SLC13A4: variants seen among roughly 807,000 people sequenced by gnomAD.
The protein encoded by SLC13A4 is solute carrier family 13 member 4.
Under a neutral mutation model 72.7 loss-of-function variants are expected in SLC13A4, and 28 were observed. That is an observed-to-expected ratio of 0.39 (90% confidence interval 0.29 to 0.53). The LOEUF (loss-of-function observed/expected upper bound fraction) is 0.53. SLC13A4 is among the 20% of genes least tolerant of loss of function. The pLI is 0.78. For synonymous variants in SLC13A4, 312 were observed against 325.5 expected, an observed-to-expected ratio of 0.96 and a Z score of 0.45; for missense variants, 653 against 788.0, an observed-to-expected ratio of 0.83 and a Z score of 2.05.
At chr7:135,705,869 T>C in intron 4 of SLC13A4, 1 of 582,944 alleles carries the variant, frequency 1.7e-6, no homozygotes. Flanking sequence ...GAGCAGTGTG[T>C]ACCCTTGAGC....
chr7:135,686,300 T>A (rs1452574854), intron 13 of SLC13A4, among the ~76,000 whole-genome samples: 2 of 152,194 alleles, frequency 1.3e-5, no homozygotes, highest in Non-Finnish European at 2.9e-5. Context: ...CCATAGAGGC[T>A]GGTCATTCAG....
chr7:135,723,148 C>G (rs189930414), intron 1 of SLC13A4, among the ~76,000 whole-genome samples: 1 of 152,110 alleles, frequency 6.6e-6, no homozygotes, highest in African/African-American at 2.4e-5. Context: ...CTGCCCTAAC[C>G]AGGGTCTGGT....
rs770177600 is a variant in SLC13A4 at position 135,721,404 on chromosome 7, C to T, written c.219G>A (p.Arg73=). Residue 73 remains arginine, a synonymous_variant, in exon 2 of 16, where the codon CGG becomes CGA. Transcript: ENST00000682651. The part of the protein sequence containing the change: ...AFLYPFFGVL[R]SNEVAAEYFK... ...CTACAAGTAGTCTAACCTCATTGGA[C>T]CGGAGGACTCCGAAGAACGGGTAAA... is the stretch of plus-strand genomic sequence containing the variant. 19 of 1,613,952 alleles carry T rather than the reference C, an allele frequency of 1.2e-5. No individual in the cohort carries two copies. The East Asian group carries it at 4.0e-4, about 34-fold the overall frequency.
chr7:135,714,917 C>T (rs1168274842), intron 2 of SLC13A4, among the ~76,000 whole-genome samples: 1 of 152,272 alleles, frequency 6.6e-6, no homozygotes, highest in African/African-American at 2.4e-5. Context: ...AGGCCTGCAG[C>T]GCAGGGCCAG....
At chr7:135,718,088 C>CACACACACACACACACGT (rs754511549) in intron 2 of SLC13A4, among the ~76,000 whole-genome samples, 1,520 of 149,638 alleles carry the variant, frequency 0.01, 19 homozygotes, top group African/African-American at 0.027. Context: ...CACACACACA[C>CACACACACACACACACGT]GCGCGCGCGC....
chr7:135,691,244 A>C lies in SLC13A4; in HGVS notation c.1403T>G (p.Val468Gly). 1.2e-6 allele frequency: 2 copies of C among 1,613,028 alleles called. No homozygotes were observed. Among genetic ancestry groups the C allele is most frequent in the South Asian group, 2.2e-5 (2 of 90,828 alleles). Residue 468 changes from valine to glycine, a missense_variant, in exon 13 of 16, where the codon GTC becomes GGC. Coordinates refer to ENST00000682651, the MANE Select transcript of SLC13A4 (RefSeq NM_001318192.2). Reference protein sequence around the residue: ...DFQKTMPWEIVILVGGGYALA... With the variant: ...DFQKTMPWEIGILVGGGYALA... ...AGCATAGCCTCCCCCAACCAGAATG[A>C]CAATCTCCCAGGGCATGGTCTTCTG...
At chr7:135,684,369 G>A in intron 14 of SLC13A4, 108 bp from the exon 15 acceptor site, 1 of 1,353,326 alleles carries the variant, frequency 7.4e-7, no homozygotes, top group South Asian at 1.5e-5. Context: ...AACCTTAGCA[G>A]GACACTATGT....
chr7:135,703,111 TC>T (rs1313979761), intron 5 of SLC13A4: 3 of 565,106 alleles, frequency 5.3e-6, no homozygotes, highest in Non-Finnish European at 9.4e-6. Flanking sequence ...GGCAGCACTT[TC>T]CTTTGATATT....
Position 135,681,378 on chromosome 7 carries a change from T to G in SLC13A4, c.*185A>C. ...GAAGACACTAACAGCGAAGCATGTGTTTGTGGTTGTTGGAGGATTCCTGCA... is the reference window on the plus strand; with the variant it reads ...GAAGACACTAACAGCGAAGCATGTGGTTGTGGTTGTTGGAGGATTCCTGCA... On this transcript the variant is annotated 3_prime_UTR_variant, in exon 16 of 16. Coordinates refer to ENST00000682651, the MANE Select transcript of SLC13A4 (RefSeq NM_001318192.2). The G allele has an allele frequency of 3.4e-6, 2 of 584,444 alleles. No individual in the cohort carries two copies. Among genetic ancestry groups the G allele is most frequent in the South Asian group, 3.6e-5 (1 of 27,618 alleles). 36.2% of individuals were successfully genotyped at this position (584,444 alleles called of 1,614,324 possible). A position where few individuals can be genotyped will look rare whatever the true frequency, so the allele number is the denominator to read the frequency against.
chr7:135,715,282 A>C (rs1470923103), intron 2 of SLC13A4, among the ~76,000 whole-genome samples: 1 of 147,356 alleles, frequency 6.8e-6, no homozygotes, highest in Non-Finnish European at 1.5e-5. Flanking sequence ...TGAGTGTATG[A>C]GTGTGTGTGA....
chr7:135,709,030 C>T (rs1011359521), intron 2 of SLC13A4, among the ~76,000 whole-genome samples: 21 of 148,850 alleles, frequency 1.4e-4, no homozygotes, highest in Non-Finnish European at 2.2e-4. Flanking sequence ...CCTGGGTTCA[C>T]GCCATTCTCC....
At chr7:135,715,062 ATGTGTG>A (rs112275841) in intron 2 of SLC13A4, among the ~76,000 whole-genome samples, 4 of 149,878 alleles carry the variant, frequency 2.7e-5, no homozygotes, top group African/African-American at 7.4e-5. Flanking sequence ...GTGTATGTGA[ATGTGTG>A]TGTGTATGAT....
chr7:135,699,258 C>T lies in SLC13A4; in HGVS notation c.899+106G>A, dbSNP rs181351361. 143 of 1,160,196 alleles carry T rather than the reference C, an allele frequency of 1.2e-4. 1 individual carries two copies. The East Asian group carries it at 3.3e-3, about 27-fold the overall frequency. The allele number at this position is 1,160,196 out of a possible 1,614,324, so 71.9% of individuals were successfully genotyped here. A position where few individuals can be genotyped will look rare whatever the true frequency, so the allele number is the denominator to read the frequency against. On this transcript the variant is annotated intron_variant, in intron 8 of 15. Coordinates refer to ENST00000682651, the MANE Select transcript of SLC13A4 (RefSeq NM_001318192.2). ...CTCAGCCTGTTTTTCCCTCTTTCTA[C>T]GGAAACTCTTCTATTCTCATTTTCT...
intron 1 of SLC13A4, among the ~76,000 whole-genome samples, chr7:135,722,273 C>CAAAA (rs572072157): frequency 3.3e-5 from 5 of 151,196 alleles, no homozygotes; most frequent in East Asian, 1.9e-4. Flanking sequence ...AGCAAACAAA[C>CAAAA]AAAAAAAACA....
Position 135,691,653 on chromosome 7 carries a change from A to G in SLC13A4, c.1224-8T>C. On this transcript the variant is annotated splice_region_variant and splice_polypyrimidine_tract_variant and intron_variant, in intron 11 of 15. Transcript: ENST00000682651. ...TCAGTACGGTAGCCTTTCCTAGTAAAGAGACAAGCATAGCTGAGGAGAAGG... is the reference window on the plus strand; with the variant it reads ...TCAGTACGGTAGCCTTTCCTAGTAAGGAGACAAGCATAGCTGAGGAGAAGG... 1 of 1,596,282 alleles carries G rather than the reference A, an allele frequency of 6.3e-7. No homozygotes were observed.
At position 135,719,781 on chromosome 7, in the gene SLC13A4, A is replaced by ATGTGTGTG. The variant is rs968225969; in HGVS notation, c.228+1606_228+1613dup. ...TGAGGCTATGGCTACTCAATGCCACATGTGTGTGTGTGTGTGTGTGTATGT... is the reference window on the plus strand; with the variant it reads ...TGAGGCTATGGCTACTCAATGCCACATGTGTGTGTGTGTGTGTGTGTGTGTGTGTATGT... On this transcript the variant is annotated intron_variant, in intron 2 of 15. Transcript: ENST00000682651. Among the ~76,000 whole-genome samples, 249 of 146,112 alleles carry ATGTGTGTG rather than the reference A, an allele frequency of 1.7e-3. 1 individual carries two copies. The highest frequency in any genetic ancestry group is 5.7e-3 in the African/African-American group (222 of 39,108).
At chr7:135,682,420 G>A (rs1795523186) in intron 15 of SLC13A4, among the ~76,000 whole-genome samples, 1 of 152,264 alleles carries the variant, frequency 6.6e-6, no homozygotes, top group African/African-American at 2.4e-5. Context: ...ATCTTCCCAA[G>A]GAGTAACCAG....
At chr7:135,708,357 G>C in intron 2 of SLC13A4, 107 bp from the exon 3 acceptor site, 1 of 1,477,794 alleles carries the variant, frequency 6.8e-7, no homozygotes, top group South Asian at 1.3e-5. Flanking sequence ...CTCAATCAAA[G>C]AGGCTGGCGA....
chr7:135,726,806 C>A (rs148895675), intron 1 of SLC13A4, among the ~76,000 whole-genome samples: 2 of 152,238 alleles, frequency 1.3e-5, no homozygotes, highest in African/African-American at 4.8e-5. Flanking sequence ...GGGAGCAGGG[C>A]AGCCTGCTAA....
Sources: gnomAD v4.1 joint callset for allele counts (sites outside exome capture counted in the v4.1 genomes callset) on GRCh38, gnomAD v4.1.1 for gene constraint, MANE v1.5 for transcripts, NCBI Gene and HGNC (gene_info 2026-07-23, HGNC 2026-07-21) for gene names.